Variants in ZFHX3 observed in about 807,000 individuals in gnomAD.
The protein encoded by ZFHX3 is zinc finger homeobox 3.
In ZFHX3, 42 loss-of-function variants were observed where a neutral mutation model predicts 279.1. The observed-to-expected ratio is 0.15, with a 90% confidence interval of 0.12 to 0.19. The LOEUF is 0.19. ZFHX3 is among the 10% of genes least tolerant of loss of function. The pLI is 1.00. For missense variants in ZFHX3, 4,981 were observed against 4,754.0 expected (o/e 1.05, Z -1.40); for synonymous variants, 2,293 against 1,957.8 (o/e 1.17, Z -4.52).
chr16:73,439,215 C>G (rs1469089944), intron 3 of ZFHX3, among the ~76,000 whole-genome samples: 1 of 152,076 alleles, frequency 6.6e-6, no homozygotes, highest in Non-Finnish European at 1.5e-5. Context: ...GAAGAGTCAG[C>G]CGGCAGAAGG....
intron 5 of ZFHX3, among the ~76,000 whole-genome samples, chr16:73,164,525 T>G (rs118154290): frequency 0.04 from 6,108 of 152,064 alleles, 182 homozygotes; most frequent in Middle Eastern, 0.12. Context: ...CATGGGGATA[T>G]CCTGTCTCCA....
intron 2 of ZFHX3, chr16:73,504,253 C>G (rs984501916): frequency 2.0e-5 from 3 of 152,176 alleles, no homozygotes; most frequent in African/African-American, 7.2e-5. Context: ...ATAGAATAAA[C>G]AGTGGCTGGA....
At chr16:73,181,765 T>C (rs182066264) in intron 5 of ZFHX3, among the ~76,000 whole-genome samples, 1 of 152,306 alleles carries the variant, frequency 6.6e-6, no homozygotes, top group East Asian at 1.9e-4. Context: ...GGGGATATAG[T>C]TCCCGTTAGG....
At chr16:73,595,203 C>T (rs1178481515) in intron 2 of ZFHX3, among the ~76,000 whole-genome samples, 2 of 152,140 alleles carry the variant, frequency 1.3e-5, no homozygotes, top group African/African-American at 4.8e-5. Flanking sequence ...ATCCCTGTTA[C>T]CCAAGCTCAA....
chr16:73,345,190 T>C lies in ZFHX3; in HGVS notation c.-1290-26854A>G, dbSNP rs189077257. Among the ~76,000 whole-genome samples the C allele has an allele frequency of 4.9e-4, 75 of 152,222 alleles. 1 individual carries two copies. The highest frequency in any genetic ancestry group is 1.6e-3 in the African/African-American group (67 of 41,456). ...AATTAGACACAGCTATTTTCTTTTA[T>C]TTTCAGACAATAAAAAGTCTTATTT... On this transcript the variant is annotated intron_variant, in intron 3 of 17. Transcript: ENST00000641206.
intron 2 of ZFHX3, among the ~76,000 whole-genome samples, chr16:73,575,364 C>T (rs1386638942): frequency 1.3e-5 from 2 of 152,298 alleles, no homozygotes; most frequent in East Asian, 3.9e-4. Context: ...TCTCCCTGTT[C>T]CGGGCACATG....
At chr16:72,909,122 A>G (rs2039257122) in intron 3 of ZFHX3, among the ~76,000 whole-genome samples, 1 of 152,250 alleles carries the variant, frequency 6.6e-6, no homozygotes, top group African/African-American at 2.4e-5. Context: ...CCGAGCTGAC[A>G]ACAATTGCAT....
At chr16:73,794,468 A>ACCACCCT (rs1216217447) in intron 1 of ZFHX3, 5 of 152,212 alleles carry the variant, frequency 3.3e-5, no homozygotes, top group African/African-American at 1.2e-4. Flanking sequence ...TCTAATAAGA[A>ACCACCCT]CCACCCTAGA....
intron 2 of ZFHX3, among the ~76,000 whole-genome samples, chr16:73,631,915 TCTCTCTCTCTCTCACACACACACA>T (rs1372267526): frequency 3.2e-4 from 34 of 107,712 alleles, no homozygotes; most frequent in Middle Eastern, 4.3e-3. Flanking sequence ...TCTCTCTCTC[TCTCTCTCTCTCTCACACACACACA>T]CACACACACA....
At chr16:73,539,883 A>AT (rs2019980655) in intron 2 of ZFHX3, among the ~76,000 whole-genome samples, 1 of 152,192 alleles carries the variant, frequency 6.6e-6, no homozygotes, top group Non-Finnish European at 1.5e-5. Context: ...GCAGCAAGAA[A>AT]TTGCTTTTCG....
intron 4 of ZFHX3, among the ~76,000 whole-genome samples, chr16:73,260,721 G>A (rs1041409922): frequency 1.0e-5 from 1 of 99,036 alleles, no homozygotes; most frequent in South Asian, 3.6e-4. Flanking sequence ...ATGGAGCTTT[G>A]CTCTTGCCGC....
intron 1 of ZFHX3, among the ~76,000 whole-genome samples, chr16:73,010,926 T>G (rs986606679): frequency 6.6e-6 from 1 of 152,150 alleles, no homozygotes; most frequent in Non-Finnish European, 1.5e-5. Context: ...CAAGTCTACC[T>G]CCCGAGTAGC....
rs1053193632 is a variant in ZFHX3, at chr16:73,616,884, T to A, written c.-1547+63296A>T. Among the ~76,000 whole-genome samples the A allele has an allele frequency of 3.3e-5, 5 of 152,342 alleles. No homozygotes were observed. The East Asian group carries it at 9.7e-4, about 29-fold the overall frequency. On this transcript the variant is annotated intron_variant, in intron 2 of 17. Transcript: ENST00000641206. The stretch of plus-strand genomic sequence containing the variant: ...TAAGTTAAAGCAAGTTCAAGTGCTA[T>A]TGTAGCAAGCTAATTCCCTTCTTCC...
chr16:73,247,980 C>A (rs2013351174), intron 5 of ZFHX3, among the ~76,000 whole-genome samples: 1 of 149,692 alleles, frequency 6.7e-6, no homozygotes, highest in Non-Finnish European at 1.5e-5. Flanking sequence ...GTCTATGTGC[C>A]TGTATGTGCA....
intron 1 of ZFHX3, among the ~76,000 whole-genome samples, chr16:73,821,878 T>C (rs1164734110): frequency 6.6e-6 from 1 of 152,158 alleles, no homozygotes; most frequent in Non-Finnish European, 1.5e-5. Flanking sequence ...ACCACTCACA[T>C]GCTCCTGAGA....
At chr16:73,836,620 T>C (rs1195610872) in intron 1 of ZFHX3, among the ~76,000 whole-genome samples, 1 of 152,194 alleles carries the variant, frequency 6.6e-6, no homozygotes, top group African/African-American at 2.4e-5. Context: ...ATCAACGAAA[T>C]ATGATCAGCA....
chr16:73,014,515 C>CTTTTTT (rs1567633191), intron 1 of ZFHX3: 5 of 95,344 alleles, frequency 5.2e-5, no homozygotes, highest in East Asian at 3.1e-4. Context: ...GTAATTTCTT[C>CTTTTTT]TTCTTTTTTT....
At chr16:73,121,348 A>T (rs1966496531) in intron 7 of ZFHX3, among the ~76,000 whole-genome samples, 1 of 152,206 alleles carries the variant, frequency 6.6e-6, no homozygotes. Flanking sequence ...AATATTTTGG[A>T]CATATTGGGT....
At chr16:73,534,058 A>T (rs1276239861) in intron 2 of ZFHX3, among the ~76,000 whole-genome samples, 3 of 152,118 alleles carry the variant, frequency 2.0e-5, no homozygotes, top group African/African-American at 7.2e-5. Context: ...AGGTCGTCAG[A>T]TGGCTCCTCC....
Sources: gnomAD v4.1 joint callset for allele counts (sites outside exome capture counted in the v4.1 genomes callset) on GRCh38, gnomAD v4.1.1 for gene constraint, MANE v1.5 for transcripts, NCBI Gene and HGNC (gene_info 2026-07-23, HGNC 2026-07-21) for gene names.